Variants in SMAD6 observed in about 807,000 individuals in gnomAD.
SMAD6 encodes MAD homolog 6.
A neutral mutation model predicts 39.4 loss-of-function variants in SMAD6; 103 were observed. The observed-to-expected ratio is 2.62, with a 90% CI of 2.23 to 3.08. The LOEUF is 3.08. SMAD6 is among the 30% of genes most tolerant of loss of function. The pLI is 0.00. For missense variants in SMAD6, 1,104 were observed against 742.9 expected, an observed-to-expected ratio of 1.49 and a Z score of -5.65; for synonymous variants, 445 against 353.3, an observed-to-expected ratio of 1.26 and a Z score of -2.91.
chr15:66,741,867 T>C (rs137986437), intron 3 of SMAD6, among the ~76,000 whole-genome samples: 1 of 152,294 alleles, frequency 6.6e-6, no homozygotes, highest in Non-Finnish European at 1.5e-5. Flanking sequence ...AGGCATTGAC[T>C]TGGACCCTTA....
At chr15:66,739,588 A>G (rs1341094967) in intron 3 of SMAD6, among the ~76,000 whole-genome samples, 2 of 152,122 alleles carry the variant, frequency 1.3e-5, no homozygotes, top group Non-Finnish European at 2.9e-5. Context: ...CTTTAAATAT[A>G]CCTATTTGCT....
chr15:66,744,221 A>T (rs16950186), intron 3 of SMAD6, among the ~76,000 whole-genome samples: 2,206 of 152,106 alleles, frequency 0.015, 44 homozygotes, highest in African/African-American at 0.046. Context: ...AAAAACAAAA[A>T]CCGCGGCTCT....
At chr15:66,778,824 G>A (rs926346416) in intron 3 of SMAD6, among the ~76,000 whole-genome samples, 2 of 152,250 alleles carry the variant, frequency 1.3e-5, no homozygotes, top group African/African-American at 4.8e-5. Context: ...GGAATGGGCT[G>A]CTAGTAGAGG....
chr15:66,759,473 C>A (rs999338742), intron 3 of SMAD6, among the ~76,000 whole-genome samples: 1 of 152,310 alleles, frequency 6.6e-6, no homozygotes, highest in Non-Finnish European at 1.5e-5. Flanking sequence ...TTTTAGTACA[C>A]CTGTCACCTG....
chr15:66,752,217 C>G (rs745404200), intron 3 of SMAD6, among the ~76,000 whole-genome samples: 1 of 152,106 alleles, frequency 6.6e-6, no homozygotes, highest in Non-Finnish European at 1.5e-5. Context: ...TAGGTCAGGA[C>G]GGCTGAGGCC....
At chr15:66,754,156 G>A (rs538736478) in intron 3 of SMAD6, among the ~76,000 whole-genome samples, 8 of 152,362 alleles carry the variant, frequency 5.3e-5, no homozygotes, top group African/African-American at 1.7e-4. Flanking sequence ...TGACTCTGTT[G>A]TATTCTCTGG....
At position 66,747,670 on chromosome 15, in the gene SMAD6, T is replaced by C. The variant is rs971789762; in HGVS notation, c.952+31172T>C. Among the ~76,000 whole-genome samples the C allele has an allele frequency of 6.6e-6, 1 of 152,216 alleles. No homozygotes were observed. The highest frequency in any genetic ancestry group is 2.4e-5 in the African/African-American group (1 of 41,450). ...CCACGGTTTCCCCCTTAGTCATACC[T>C]ACCTAGGATAATTGGAAAATGAGGA... On this transcript the variant is annotated intron_variant, in intron 3 of 3. Coordinates refer to ENST00000288840, the MANE Select transcript of SMAD6 (RefSeq NM_005585.5). This position sits in a 1 kb window ranked among gnomAD's most constrained non-coding sequence, Gnocchi z 4.5.
chr15:66,735,250 G>A (rs574781474), intron 3 of SMAD6, among the ~76,000 whole-genome samples: 5 of 152,338 alleles, frequency 3.3e-5, no homozygotes, highest in South Asian at 2.1e-4. Flanking sequence ...GTGGATGGCC[G>A]GGTGCCTGCC....
chr15:66,779,375 G>A (rs750480598), intron 3 of SMAD6, among the ~76,000 whole-genome samples: 12 of 152,226 alleles, frequency 7.9e-5, no homozygotes, highest in Non-Finnish European at 1.5e-4. Context: ...GCGGGCTGGT[G>A]TGAGGACTTG....
At chr15:66,729,807 C>T (rs1893593013) in intron 3 of SMAD6, among the ~76,000 whole-genome samples, 3 of 152,144 alleles carry the variant, frequency 2.0e-5, no homozygotes, top group South Asian at 4.1e-4. Flanking sequence ...GTGCACACAG[C>T]GACATTGAAG....
intron 3 of SMAD6, among the ~76,000 whole-genome samples, chr15:66,738,290 G>C (rs1236550322): frequency 1.3e-5 from 2 of 152,176 alleles, no homozygotes; most frequent in Admixed American, 1.3e-4. Flanking sequence ...AAGGCTGCTC[G>C]AGGGAGGATG....
chr15:66,728,534 G>A (rs1217328782), intron 3 of SMAD6, among the ~76,000 whole-genome samples: 5 of 152,006 alleles, frequency 3.3e-5, no homozygotes, highest in African/African-American at 1.2e-4. Context: ...AGCCTCCTGA[G>A]TAGCTGAGAT....
intron 3 of SMAD6, among the ~76,000 whole-genome samples, chr15:66,766,126 AGT>A (rs1894283522): frequency 6.6e-6 from 1 of 152,192 alleles, no homozygotes; most frequent in South Asian, 2.1e-4. Flanking sequence ...GATCCTCCTT[AGT>A]GGGCATGTGC....
intron 3 of SMAD6, among the ~76,000 whole-genome samples, chr15:66,777,585 G>A (rs1894488623): frequency 6.6e-6 from 1 of 152,200 alleles, no homozygotes; most frequent in Non-Finnish European, 1.5e-5. Context: ...AGGAATATAT[G>A]CAGCCCTGGG....
chr15:66,723,286 CAG>C (rs1320300966), intron 3 of SMAD6, among the ~76,000 whole-genome samples: 4 of 152,216 alleles, frequency 2.6e-5, no homozygotes, highest in Admixed American at 6.5e-5. Context: ...TCAGAGGTAA[CAG>C]AGCTTTTAGA....
At chr15:66,775,067 G>A (rs1166943591) in intron 3 of SMAD6, among the ~76,000 whole-genome samples, 1 of 151,986 alleles carries the variant, frequency 6.6e-6, no homozygotes, top group Non-Finnish European at 1.5e-5. Context: ...CTGCCATGTT[G>A]GCCAGGCTGG....
chr15:66,711,100 T>G (rs1296786282), intron 1 of SMAD6, among the ~76,000 whole-genome samples: 1 of 152,112 alleles, frequency 6.6e-6, no homozygotes. Context: ...TAAATTCGAG[T>G]ATCAGATAAA....
intron 1 of SMAD6, among the ~76,000 whole-genome samples, chr15:66,710,680 A>C (rs1266795866): frequency 6.6e-6 from 1 of 152,212 alleles, no homozygotes; most frequent in Admixed American, 6.5e-5. Context: ...TCATTCATGC[A>C]AATTGTTACT....
chr15:66,765,914 G>A (rs1481298348), intron 3 of SMAD6, among the ~76,000 whole-genome samples: 2 of 152,214 alleles, frequency 1.3e-5, no homozygotes, highest in Non-Finnish European at 2.9e-5. Context: ...CCACTGAGGA[G>A]GAAGTGGTTA....
Sources: gnomAD v4.1 joint callset for allele counts (sites outside exome capture counted in the v4.1 genomes callset) on GRCh38, gnomAD v4.1.1 for gene constraint, Gnocchi (gnomAD v3.1) non-coding constraint, MANE v1.5 for transcripts, NCBI Gene and HGNC (gene_info 2026-07-23, HGNC 2026-07-21) for gene names.